CTSH: variants seen among roughly 807,000 people sequenced by gnomAD.
CTSH encodes pro-cathepsin H.
Under a neutral mutation model 56.3 loss-of-function variants are expected in CTSH, and 52 were observed. That is an observed-to-expected ratio of 0.92 (90% CI 0.74 to 1.16). The LOEUF (loss-of-function observed/expected upper bound fraction) is 1.16. Among genes scored for constraint, CTSH ranks in the 50% most tolerant of loss-of-function variants. The probability of loss-of-function intolerance (pLI) is 0.00; values close to 1 mark genes in which losing one functional copy is unlikely to be tolerated. For synonymous variants in CTSH, 174 were observed against 155.7 expected (o/e 1.12, Z -0.88); for missense variants, 406 against 424.5 (o/e 0.96, Z 0.38).
intron 8 of CTSH, among the ~76,000 whole-genome samples, chr15:78,928,244 G>A (rs4779112): frequency 0.49 from 74,062 of 151,962 alleles, 21,925 homozygotes; most frequent in Non-Finnish European, 0.67. Context: ...TTAGGAACCA[G>A]CATGTGGCTG....
chr15:78,943,702 T>C (rs1052839432), intron 1 of CTSH, among the ~76,000 whole-genome samples: 1 of 152,240 alleles, frequency 6.6e-6, no homozygotes, highest in Non-Finnish European at 1.5e-5. Context: ...ATACAATCTA[T>C]GGTTGCTATC....
intron 5 of CTSH, chr15:78,933,546 A>C (rs1377049571): frequency 2.6e-5 from 12 of 455,012 alleles, no homozygotes; most frequent in Non-Finnish European, 4.0e-5. Flanking sequence ...CCCTTCACAT[A>C]TCTCTCTCAG....
intron 3 of CTSH, 150 bp downstream of exon 3, chr15:78,937,168 T>C (rs951003420): frequency 4.7e-6 from 3 of 641,520 alleles, no homozygotes. Context: ...ACACAGAGAG[T>C]AACAGCGGAG....
rs138805637 is a variant in CTSH at position 78,940,204 on chromosome 15, G to A, written c.92-1033C>T. On this transcript the variant is annotated intron_variant, in intron 1 of 11. Transcript: ENST00000220166. ...AGCCATTTGTTTTTGGATTCCTGCC[G>A]TATTTCCCCATGTATGTTCTTATCT... Among the ~76,000 whole-genome samples the A allele has an allele frequency of 9.6e-3, 1,462 of 152,258 alleles. 9 individuals are homozygous for A. The highest frequency in any genetic ancestry group is 0.016 in the Non-Finnish European group (1,060 of 68,022).
At chr15:78,929,601 TTGGGCA>T (rs2055003211) in intron 7 of CTSH, 108 bp from the exon 8 acceptor site, 1 of 694,284 alleles carries the variant, frequency 1.4e-6, no homozygotes, top group Non-Finnish European at 2.4e-6. Flanking sequence ...GGGGACTTGG[TTGGGCA>T]TGTCCCAGTG....
chr15:78,934,264 A>G (rs2055126224), intron 5 of CTSH, among the ~76,000 whole-genome samples: 1 of 152,264 alleles, frequency 6.6e-6, no homozygotes, highest in African/African-American at 2.4e-5. Flanking sequence ...TTCGATGGAA[A>G]GCCAGGAGTT....
chr15:78,928,460 G>A (rs188459429), intron 8 of CTSH, among the ~76,000 whole-genome samples: 14 of 151,090 alleles, frequency 9.3e-5, no homozygotes, highest in African/African-American at 3.4e-4. Context: ...CAGCTACTCA[G>A]GAGGCTGAGG....
At chr15:78,927,374 C>T (rs1197413587) in intron 9 of CTSH, 4 of 350,968 alleles carry the variant, frequency 1.1e-5, no homozygotes, top group East Asian at 1.3e-4. Flanking sequence ...TCACCCTCCT[C>T]AGTTTCACAC....
intron 8 of CTSH, among the ~76,000 whole-genome samples, chr15:78,929,132 G>A (rs540114755): frequency 7.2e-5 from 11 of 152,212 alleles, no homozygotes; most frequent in African/African-American, 1.9e-4. Context: ...TGGGGCAGGT[G>A]GGGGGAAGGA....
At position 78,944,995 on chromosome 15, in the gene CTSH, G is replaced by T; in HGVS notation, c.-14C>A. Reference sequence around the variant, plus strand: ...CGTGGCCCACATCGCAGCGCTGGCGGCTTGGCTCTTGCGCTCAGGGTCCGC... The same window carrying T: ...CGTGGCCCACATCGCAGCGCTGGCGTCTTGGCTCTTGCGCTCAGGGTCCGC... On this transcript the variant is annotated 5_prime_UTR_variant, in exon 1 of 12. Transcript: ENST00000220166. 1 of 1,524,686 alleles carries T rather than the reference G, an allele frequency of 6.6e-7. No individual in the cohort carries two copies. The highest frequency in any genetic ancestry group is 8.8e-7 in the Non-Finnish European group (1 of 1,137,008). 94.4% of individuals were successfully genotyped at this position (1,524,686 alleles called of 1,614,324 possible).
At position 78,945,036 on chromosome 15, in the gene CTSH, G is replaced by A. The variant is rs1329777696; in HGVS notation, c.-55C>T. On this transcript the variant is annotated 5_prime_UTR_variant, in exon 1 of 12. Transcript: ENST00000220166. Reference sequence around the variant, plus strand: ...CAGGGTCCGCGGAGGTGGCGGCCCAGAGCGTCAACTGGGAGCGCGGGGGGG... The same window carrying A: ...CAGGGTCCGCGGAGGTGGCGGCCCAAAGCGTCAACTGGGAGCGCGGGGGGG... 7.1e-7 allele frequency: 1 copy of A among 1,409,072 alleles called. No homozygotes were observed. Among genetic ancestry groups the A allele is most frequent in the Non-Finnish European group, 9.3e-7 (1 of 1,070,136 alleles). 87.3% of individuals were successfully genotyped at this position (1,409,072 alleles called of 1,614,324 possible).
chr15:78,926,362 G>C (rs2141522531), intron 9 of CTSH: 1 of 152,462 alleles, frequency 6.6e-6, no homozygotes, highest in East Asian at 1.9e-4. Flanking sequence ...AACAGGTCAG[G>C]GCATATCTGA....
At chr15:78,927,912 GAATT>G in intron 8 of CTSH, 131 bp from the exon 9 acceptor site, 2 of 736,340 alleles carry the variant, frequency 2.7e-6, no homozygotes, top group Non-Finnish European at 4.7e-6. Flanking sequence ...ATTTCAGAGA[GAATT>G]AAAGCATCCT....
chr15:78,941,731 G>C (rs547912657), intron 1 of CTSH, among the ~76,000 whole-genome samples: 26 of 150,088 alleles, frequency 1.7e-4, no homozygotes, highest in African/African-American at 6.1e-4. Context: ...GGGAGGCGGG[G>C]CTTGCAGTGA....
chr15:78,943,486 T>C (rs192937394), intron 1 of CTSH, among the ~76,000 whole-genome samples: 1 of 152,284 alleles, frequency 6.6e-6, no homozygotes, highest in East Asian at 1.9e-4. Flanking sequence ...TGCCTCGGTC[T>C]CCCAAATTGC....
chr15:78,927,846 G>C (rs2054946988), intron 8 of CTSH, 65 bp from the exon 9 acceptor site: 1 of 1,330,572 alleles, frequency 7.5e-7, no homozygotes, highest in Non-Finnish European at 1.1e-6. Flanking sequence ...TCCCCACGCA[G>C]TTCAATAACA....
chr15:78,930,562 A>G (rs557860638), intron 7 of CTSH, among the ~76,000 whole-genome samples: 1 of 151,876 alleles, frequency 6.6e-6, no homozygotes, highest in South Asian at 2.1e-4. Context: ...ATAAATAAAT[A>G]AATAAATAAA....
At position 78,937,337 on chromosome 15, in the gene CTSH, ATTG is replaced by A. The variant is rs1309403808; in HGVS notation, c.207_209del (p.Asn70del). ...ACGTACTTTTAAATGTGTGGTTCCC[ATTG>A]TTGTGGGCGTTTATCTTCCTCCAGT... is the stretch of plus-strand genomic sequence containing the variant. On this transcript the variant is annotated inframe_deletion, in exon 3 of 12. Transcript: ENST00000220166. The A allele has an allele frequency of 5.0e-6, 8 of 1,613,146 alleles. No individual in the cohort carries two copies. The African/African-American group carries it at 1.1e-4, about 22-fold the overall frequency.
At chr15:78,923,612 G>A (rs2054827153) in intron 10 of CTSH, among the ~76,000 whole-genome samples, 1 of 152,056 alleles carries the variant, frequency 6.6e-6, no homozygotes, top group South Asian at 2.1e-4. Context: ...TGGTTCTTCT[G>A]CTTCTGTCAG....
Sources: allele counts gnomAD v4.1 joint callset (sites outside exome capture counted in the v4.1 genomes callset), GRCh38; gene constraint gnomAD v4.1.1; transcripts MANE v1.5; gene names NCBI Gene and HGNC (gene_info 2026-07-23, HGNC 2026-07-21).